The following DYTN variants were observed in gnomAD, a reference collection of about 807,000 sequenced individuals.
The protein encoded by DYTN is dystrotelin.
Under a neutral mutation model 69.6 loss-of-function variants are expected in DYTN, and 75 were observed. That is an observed-to-expected ratio of 1.08 (90% CI 0.89 to 1.31). DYTN has a LOEUF of 1.31. DYTN is among the 50% of genes most tolerant of loss of function. The pLI is 0.00. For missense variants in DYTN, 726 were observed against 688.4 expected (o/e 1.05, Z -0.61); for synonymous variants, 252 against 249.1 (o/e 1.01, Z -0.11).
intron 9 of DYTN, among the ~76,000 whole-genome samples, chr2:206,666,984 A>G (rs1415279614): frequency 6.6e-6 from 1 of 152,118 alleles, no homozygotes; most frequent in Admixed American, 6.5e-5. Flanking sequence ...GTTAGAGGTT[A>G]CAGTGAGCTA....
chr2:206,705,687 G>A (rs575305150), intron 4 of DYTN, 101 bp downstream of exon 4: 1 of 985,038 alleles, frequency 1.0e-6, no homozygotes, highest in Non-Finnish European at 1.5e-6. Context: ...AAGTCATGCT[G>A]AGTACATGCT....
chr2:206,676,602 T>C (rs1318806728), intron 9 of DYTN, among the ~76,000 whole-genome samples: 1 of 152,170 alleles, frequency 6.6e-6, no homozygotes, highest in African/African-American at 2.4e-5. Context: ...AATTGTGTTA[T>C]AATAGCTAAT....
chr2:206,681,438 C>T (rs977786123), intron 9 of DYTN, among the ~76,000 whole-genome samples: 1 of 152,130 alleles, frequency 6.6e-6, no homozygotes, highest in Non-Finnish European at 1.5e-5. Flanking sequence ...GAGAGGGCAT[C>T]CTTGTCTTGT....
At chr2:206,653,012 C>A (rs1034819188) in intron 11 of DYTN, among the ~76,000 whole-genome samples, 1 of 152,150 alleles carries the variant, frequency 6.6e-6, no homozygotes, top group Admixed American at 6.6e-5. Flanking sequence ...TTTATAGCTA[C>A]ATAATTTATA....
At chr2:206,652,049 T>C in intron 11 of DYTN, 128 bp from the exon 12 acceptor site, 2 of 769,428 alleles carry the variant, frequency 2.6e-6, no homozygotes, top group Non-Finnish European at 4.1e-6. Flanking sequence ...GACAATGTCC[T>C]TAAGTTAGCC....
At chr2:206,697,932 A>G (rs1699938538) in intron 7 of DYTN, among the ~76,000 whole-genome samples, 1 of 152,234 alleles carries the variant, frequency 6.6e-6, no homozygotes, top group Non-Finnish European at 1.5e-5. Context: ...TAGAATAGAA[A>G]TAGTATCTGC....
chr2:206,665,880 C>T lies in DYTN; in HGVS notation c.1130G>A (p.Arg377Gln), dbSNP rs369023527. 64 of 1,613,368 alleles carry T rather than the reference C, an allele frequency of 4.0e-5. No homozygotes were observed. Among genetic ancestry groups the T allele is most frequent in the African/African-American group, 8.0e-5 (6 of 74,876 alleles). Residue 377 changes from arginine (R) to glutamine (Q), a missense_variant, in exon 10 of 12, where the codon CGG (arginine) becomes CAG (glutamine). Coordinates refer to ENST00000452335, the MANE Select transcript of DYTN (RefSeq NM_001093730.1). ...CCTCACATTTTATACCTGTAGGTCC[C>T]GTCTTATCTGTTGTAGCTTGGTCCA... ...SLWTKLQQIR[R>Q]DLQARLQPPG...
chr2:206,682,617 C>A (rs969125310), intron 9 of DYTN, among the ~76,000 whole-genome samples: 1 of 152,122 alleles, frequency 6.6e-6, no homozygotes, highest in African/African-American at 2.4e-5. Flanking sequence ...TCTCATATAA[C>A]CTCATGGCTT....
chr2:206,699,943 C>T (rs1467343477), intron 6 of DYTN, 53 bp from the exon 7 acceptor site: 5 of 1,577,900 alleles, frequency 3.2e-6, no homozygotes, highest in Non-Finnish European at 4.3e-6. Flanking sequence ...TTGATATTTT[C>T]ATTTTCTTTT....
chr2:206,659,613 C>G (rs1355446268), intron 11 of DYTN, among the ~76,000 whole-genome samples: 1 of 151,106 alleles, frequency 6.6e-6, no homozygotes, highest in African/African-American at 2.4e-5. Context: ...GTTTCACTTT[C>G]CACATCTTCA....
intron 11 of DYTN, among the ~76,000 whole-genome samples, chr2:206,658,436 T>C (rs1447451398): frequency 6.6e-6 from 1 of 151,258 alleles, no homozygotes; most frequent in African/African-American, 2.4e-5. Context: ...AATAACTATC[T>C]CTCTTAGTCT....
chr2:206,663,065 T>A lies in DYTN; in HGVS notation c.1471A>T (p.Ile491Phe). The change falls in exon 11 of 12, where the codon ATC becomes TTC. Residue 491 changes from isoleucine to phenylalanine, a missense_variant. Physicochemically the swap from Ile to Phe is conservative, Grantham distance 21. Transcript: ENST00000452335. ...ATTTCAGCAGGAACCATTTTGGGGATGTCCTGCTTCAGTCCCTCCTGATAA... is the reference window on the plus strand; with the variant it reads ...ATTTCAGCAGGAACCATTTTGGGGAAGTCCTGCTTCAGTCCCTCCTGATAA... Reference protein sequence around the residue: ...PSYQEGLKQDIPKMVPAEMSS... With the variant: ...PSYQEGLKQDFPKMVPAEMSS... 1.2e-6 allele frequency: 2 copies of A among 1,613,936 alleles called. No individual in the cohort carries two copies. Among genetic ancestry groups the A allele is most frequent in the Non-Finnish European group, 1.7e-6 (2 of 1,179,880 alleles).
At chr2:206,678,055 T>C (rs1014506716) in intron 9 of DYTN, among the ~76,000 whole-genome samples, 2 of 151,882 alleles carry the variant, frequency 1.3e-5, no homozygotes, top group Non-Finnish European at 2.9e-5. Flanking sequence ...AAATTATCAA[T>C]AAGACTAAAA....
intron 7 of DYTN, 45 bp from the exon 8 acceptor site, chr2:206,694,922 G>GAAT: frequency 3.5e-5 from 25 of 714,028 alleles, no homozygotes; most frequent in Non-Finnish European, 4.2e-5. Flanking sequence ...TAGTAGATGA[G>GAAT]AAAAAAAAAA....
chr2:206,663,995 G>C (rs1047383672), intron 10 of DYTN, among the ~76,000 whole-genome samples: 3 of 152,020 alleles, frequency 2.0e-5, no homozygotes, highest in Non-Finnish European at 4.4e-5. Flanking sequence ...AGCTGTTGGT[G>C]CTTTAGTGTG....
chr2:206,700,011 G>T, intron 6 of DYTN, 121 bp from the exon 7 acceptor site: 1 of 1,516,676 alleles, frequency 6.6e-7, no homozygotes, highest in Non-Finnish European at 9.0e-7. Context: ...AGCTGGAGGT[G>T]AGACTACCTC....
intron 9 of DYTN, among the ~76,000 whole-genome samples, chr2:206,667,926 T>C (rs1699591717): frequency 6.6e-6 from 1 of 152,166 alleles, no homozygotes. Context: ...TGCATAGAGC[T>C]TGGGGAGGTC....
At chr2:206,710,488 G>T in intron 2 of DYTN, 36 bp downstream of exon 2, 1 of 1,576,974 alleles carries the variant, frequency 6.3e-7, no homozygotes, top group South Asian at 1.2e-5. Flanking sequence ...ATCAAGCTCA[G>T]ATTATTTCAA....
intron 1 of DYTN, among the ~76,000 whole-genome samples, chr2:206,717,955 T>C (rs537901068): frequency 1.3e-5 from 2 of 152,304 alleles, no homozygotes; most frequent in South Asian, 2.1e-4. Context: ...ACTATGAATA[T>C]ACATAAAACT....
Sources: allele counts gnomAD v4.1 joint callset (sites outside exome capture counted in the v4.1 genomes callset), GRCh38; gene constraint gnomAD v4.1.1; transcripts MANE v1.5; gene names NCBI Gene and HGNC (gene_info 2026-07-23, HGNC 2026-07-21).